The following NREP variants were observed in gnomAD, a reference collection of about 807,000 sequenced individuals.
NREP encodes neuronal regeneration related protein, also known as neuronal regeneration-related protein.
Under a neutral mutation model 8.6 loss-of-function variants are expected in NREP, and 5 were observed. The ratio of observed to expected loss-of-function variants is 0.58; its 90% CI spans 0.30 to 1.22. The LOEUF is 1.22. NREP is among the 50% of genes most tolerant of loss of function. The probability of loss-of-function intolerance (pLI) is 0.07; values close to 1 mark genes in which losing one functional copy is unlikely to be tolerated. For missense variants in NREP, 86 were observed against 82.5 expected (o/e 1.04, Z -0.17); for synonymous variants, 27 against 28.0 (o/e 0.96, Z 0.11).
intron 2 of NREP, among the ~76,000 whole-genome samples, chr5:111,957,337 A>G (rs1756352765): frequency 6.6e-6 from 1 of 152,032 alleles, no homozygotes; most frequent in African/African-American, 2.4e-5. Flanking sequence ...AATTTCATAT[A>G]CCTACCTATA....
At chr5:111,900,161 T>C (rs1445857886) in intron 2 of NREP, among the ~76,000 whole-genome samples, 3 of 151,844 alleles carry the variant, frequency 2.0e-5, no homozygotes, top group South Asian at 2.1e-4. Context: ...ACTGTACAAA[T>C]ACATGGAAAT....
At chr5:111,949,016 A>C (rs982471668) in intron 2 of NREP, 1 of 152,110 alleles carries the variant, frequency 6.6e-6, no homozygotes, top group African/African-American at 2.4e-5. Context: ...GAGCAAGAAA[A>C]CTAAAGTCAT....
At chr5:111,770,554 C>CTTTTTTCTTT (rs1751193355) in intron 2 of NREP, among the ~76,000 whole-genome samples, 1 of 73,582 alleles carries the variant, frequency 1.4e-5, no homozygotes, top group African/African-American at 5.0e-5. Context: ...GAATTATTTC[C>CTTTTTTCTTT]TTTTTTTTTT....
chr5:111,738,852 G>GC (rs1289954583), intron 2 of NREP: 3 of 152,140 alleles, frequency 2.0e-5, no homozygotes, highest in Non-Finnish European at 4.4e-5. Context: ...ATCAGGGTGG[G>GC]CCCTAATCTC....
chr5:111,887,735 T>A (rs1754296458), intron 2 of NREP, among the ~76,000 whole-genome samples: 1 of 152,224 alleles, frequency 6.6e-6, no homozygotes, highest in Non-Finnish European at 1.5e-5. Flanking sequence ...ACTCGAACTT[T>A]AAAAAGTGCT....
chr5:111,854,202 G>A (rs1561694998), intron 2 of NREP, among the ~76,000 whole-genome samples: 1 of 152,284 alleles, frequency 6.6e-6, no homozygotes, highest in Non-Finnish European at 1.5e-5. Flanking sequence ...TGATGAATTT[G>A]CATGTGGGAG....
At chr5:111,749,106 CCTCT>C (rs1436678694) in intron 2 of NREP, among the ~76,000 whole-genome samples, 1 of 151,970 alleles carries the variant, frequency 6.6e-6, no homozygotes, top group Non-Finnish European at 1.5e-5. Flanking sequence ...TAGCCTGCTC[CCTCT>C]AAGAAAATAC....
intron 2 of NREP, among the ~76,000 whole-genome samples, chr5:111,974,673 T>C (rs1756912703): frequency 6.6e-6 from 1 of 152,212 alleles, no homozygotes; most frequent in South Asian, 2.1e-4. Context: ...ATAAAACTCA[T>C]CACTATAAGA....
chr5:111,736,488 C>T (rs1473756051), intron 2 of NREP, among the ~76,000 whole-genome samples: 2 of 152,234 alleles, frequency 1.3e-5, no homozygotes, highest in South Asian at 2.1e-4. Flanking sequence ...AAGAGTCACA[C>T]CTCATTAACA....
At chr5:111,887,254 T>C (rs1178473667) in intron 2 of NREP, among the ~76,000 whole-genome samples, 1 of 152,136 alleles carries the variant, frequency 6.6e-6, no homozygotes, top group African/African-American at 2.4e-5. Flanking sequence ...TCCGGTACAT[T>C]ATTTACTTTG....
chr5:111,900,095 C>T (rs1754606309), intron 2 of NREP, among the ~76,000 whole-genome samples: 1 of 151,954 alleles, frequency 6.6e-6, no homozygotes, highest in Non-Finnish European at 1.5e-5. Context: ...TATAAAGTGT[C>T]TTGTAAGACC....
At chr5:111,781,000 CA>C (rs1310476883) in intron 2 of NREP, among the ~76,000 whole-genome samples, 2 of 150,298 alleles carry the variant, frequency 1.3e-5, no homozygotes, top group Non-Finnish European at 2.9e-5. Context: ...TTTTAACAAA[CA>C]ACATCTTTTC....
chr5:111,740,501 C>T (rs1749555744), intron 2 of NREP, among the ~76,000 whole-genome samples: 1 of 151,938 alleles, frequency 6.6e-6, no homozygotes, highest in South Asian at 2.1e-4. Flanking sequence ...ACTCTTTGGA[C>T]AGTGCATCAT....
At chr5:111,953,069 C>T (rs114722886) in intron 2 of NREP, among the ~76,000 whole-genome samples, 24 of 152,206 alleles carry the variant, frequency 1.6e-4, no homozygotes, top group South Asian at 6.2e-4. Context: ...GCTGAAATTA[C>T]GCTTTTTATG....
intron 2 of NREP, among the ~76,000 whole-genome samples, chr5:111,790,630 A>C (rs13173034): frequency 2.0e-5 from 3 of 152,026 alleles, no homozygotes; most frequent in Non-Finnish European, 4.4e-5. Context: ...TCGCCTATCC[A>C]TGTTTAAAAT....
At chr5:111,955,116 A>G (rs1265819956) in intron 2 of NREP, among the ~76,000 whole-genome samples, 1 of 152,186 alleles carries the variant, frequency 6.6e-6, no homozygotes, top group East Asian at 1.9e-4. Context: ...TATCAGACTT[A>G]AGCTATGCCT....
chr5:111,901,438 C>T (rs937485910), intron 2 of NREP, among the ~76,000 whole-genome samples: 1 of 152,140 alleles, frequency 6.6e-6, no homozygotes, highest in African/African-American at 2.4e-5. Flanking sequence ...TGCCCACTTT[C>T]AGCACTCTTA....
chr5:111,850,271 C>T (rs368449576), intron 2 of NREP, among the ~76,000 whole-genome samples: 1 of 152,024 alleles, frequency 6.6e-6, no homozygotes, highest in African/African-American at 2.4e-5. Flanking sequence ...GTCTTTTTCC[C>T]GTTGTGGGTG....
intron 2 of NREP, among the ~76,000 whole-genome samples, chr5:111,809,093 A>G (rs1235344938): frequency 6.6e-6 from 1 of 152,240 alleles, no homozygotes; most frequent in African/African-American, 2.4e-5. Flanking sequence ...TTTAATGACT[A>G]CATAATAAAA....
Sources: gnomAD v4.1 joint callset for allele counts (sites outside exome capture counted in the v4.1 genomes callset) on GRCh38, gnomAD v4.1.1 for gene constraint, MANE v1.5 for transcripts, NCBI Gene and HGNC (gene_info 2026-07-23, HGNC 2026-07-21) for gene names.